Variants in PGS1 observed in about 807,000 individuals in gnomAD.
PGS1 encodes the protein CDP-diacylglycerol--glycerol-3-phosphate 3-phosphatidyltransferase, mitochondrial.
Under a neutral mutation model 58.3 loss-of-function variants are expected in PGS1, and 44 were observed. The ratio of observed to expected loss-of-function variants is 0.75; its 90% CI spans 0.59 to 0.97. The LOEUF is 0.97. PGS1 is among the 50% of genes least tolerant of loss of function. The probability of loss-of-function intolerance (pLI) is 0.00; values close to 1 mark genes in which losing one functional copy is unlikely to be tolerated. For missense variants in PGS1, 684 were observed against 731.1 expected (o/e 0.94, Z 0.74); for synonymous variants, 330 against 311.0 (o/e 1.06, Z -0.64).
rs761812839 is a variant in PGS1, at chr17:78,403,591, G to A, written c.904G>A (p.Ala302Thr). 2.5e-6 allele frequency: 4 copies of A among 1,612,666 alleles called. No homozygotes were observed. Among genetic ancestry groups the A allele is most frequent in the Non-Finnish European group, 1.7e-6 (2 of 1,178,816 alleles). ...YKGDRAEYCK[A>T]ANKRVMDVIN... is the part of the protein sequence containing the mutation. The stretch of plus-strand genomic sequence containing the variant: ...AGGGGACCGGGCCGAGTACTGCAAG[G>A]CAGCCAATAAGAGGGTCATGGATGT... Residue 302 changes from alanine (A) to threonine (T), a missense_variant, in exon 7 of 10, where the codon GCA becomes ACA. By Grantham distance (58) the Ala-to-Thr change is moderately conservative. Coordinates refer to ENST00000262764, the MANE Select transcript of PGS1 (RefSeq NM_024419.5).
intron 1 of PGS1, among the ~76,000 whole-genome samples, chr17:78,384,556 A>G (rs998545822): frequency 1.3e-5 from 2 of 152,072 alleles, no homozygotes; most frequent in Admixed American, 1.3e-4. Flanking sequence ...ACAGATTTGG[A>G]TGGGCTCCAG....
intron 7 of PGS1, among the ~76,000 whole-genome samples, chr17:78,404,629 T>C (rs2083969845): frequency 2.6e-5 from 4 of 152,132 alleles, no homozygotes; most frequent in Admixed American, 1.3e-4. Context: ...GGTAAAGATG[T>C]GGTGACATAA....
chr17:78,423,653 C>T, intron 9 of PGS1: 1 of 470,262 alleles, frequency 2.1e-6, no homozygotes, highest in Non-Finnish European at 3.8e-6. Context: ...AAGCCTGAAC[C>T]AGGCCTCACA....
chr17:78,403,625 C>G lies in PGS1; in HGVS notation c.938C>G (p.Ser313Ter), dbSNP rs1413999072. The part of the protein sequence containing the change: ...ANKRVMDVIN[S>*]ARTRQQMLHA... ...AAGAGGGTCATGGATGTGATCAACT[C>G]AGCCAGGACCCGCCAGCAGATGCTG... The change falls in exon 7 of 10, where the codon TCA becomes TGA. Residue 313 changes from serine to a stop codon, truncating the protein, a stop_gained. Transcript: ENST00000262764. LOFTEE classifies it high-confidence loss of function. 1 of 1,614,158 alleles carries G rather than the reference C, an allele frequency of 6.2e-7. No homozygotes were observed.
Position 78,392,575 on chromosome 17 carries a change from G to T in PGS1, c.243G>T (p.Gln81His). The T allele has an allele frequency of 6.2e-7, 1 of 1,614,206 alleles. No homozygotes were observed. Among genetic ancestry groups the T allele is most frequent in the Non-Finnish European group, 8.5e-7 (1 of 1,180,026 alleles). Reference protein sequence around the residue: ...CLCPEGVHRFQWIRNLVPEFG... With the variant: ...CLCPEGVHRFHWIRNLVPEFG... ...GTCCAGAAGGCGTGCACCGGTTCCA[G>T]TGGATCAGAAACCTGGTTCCAGAAT... Residue 81 changes from glutamine (Q) to histidine (H), a missense_variant, in exon 2 of 10, where the codon CAG becomes CAT. By Grantham distance (24) the Gln-to-His change is conservative. Transcript: ENST00000262764.
rs867241248 is a variant in PGS1, at chr17:78,407,168, G to C, written c.1402+3079G>C. 5.9e-5 allele frequency among the ~76,000 whole-genome samples: 9 copies of C among 152,232 alleles called. No homozygotes were observed. The South Asian group carries it at 1.7e-3, about 28-fold the overall frequency. ...TGGATCCCAGGGCACGTGCCCATGT[G>C]GGGGATGGGATTGGGGGAGAGTTGG... On this transcript the variant is annotated intron_variant, in intron 7 of 9. Coordinates refer to ENST00000262764, the MANE Select transcript of PGS1 (RefSeq NM_024419.5).
intron 2 of PGS1, among the ~76,000 whole-genome samples, chr17:78,393,308 C>T (rs1399279334): frequency 6.6e-6 from 1 of 152,222 alleles, no homozygotes; most frequent in Non-Finnish European, 1.5e-5. Flanking sequence ...GATCCACCCG[C>T]CTCGGCCTCC....
At position 78,403,963 on chromosome 17, in the gene PGS1, G is replaced by C. The variant is rs1186106289; in HGVS notation, c.1276G>C (p.Gly426Arg). ...CTTCTTTGGGGCCAAGGGGGTGGCCGGCGCCATCCCAGCGGCCTATGTGCA... is the reference window on the plus strand; with the variant it reads ...CTTCTTTGGGGCCAAGGGGGTGGCCCGCGCCATCCCAGCGGCCTATGTGCA... The part of the protein sequence containing the change: ...NGFFGAKGVA[G>R]AIPAAYVHIE... Residue 426 changes from glycine to arginine, a missense_variant, in exon 7 of 10, where the codon GGC becomes CGC. Physicochemically the swap from Gly to Arg is moderately radical, Grantham distance 125. Coordinates refer to ENST00000262764, the MANE Select transcript of PGS1 (RefSeq NM_024419.5). The C allele has an allele frequency of 2.5e-6, 4 of 1,614,020 alleles. No individual in the cohort carries two copies. Among genetic ancestry groups the C allele is most frequent in the Non-Finnish European group, 3.4e-6 (4 of 1,180,026 alleles).
In PGS1 at chr17:78,416,775, T is replaced by G. The variant is rs140078895; in HGVS notation, c.1551+1748T>G. Among the ~76,000 whole-genome samples the G allele has an allele frequency of 8.4e-3, 1,275 of 152,296 alleles. 8 individuals are homozygous for G. The highest frequency in any genetic ancestry group is 0.03 in the South Asian group (144 of 4,828). The stretch of plus-strand genomic sequence containing the variant: ...TGCCTGTGAAACGCAGAAATATGTT[T>G]CCAGATAATTCCACCTATGCTTATA... On this transcript the variant is annotated intron_variant, in intron 8 of 9. Coordinates refer to ENST00000262764, the MANE Select transcript of PGS1 (RefSeq NM_024419.5).
At position 78,400,809 on chromosome 17, in the gene PGS1, G is replaced by A; in HGVS notation, c.834G>A (p.Gly278=). 1 of 1,612,882 alleles carries A rather than the reference G, an allele frequency of 6.2e-7. No homozygotes were observed. The highest frequency in any genetic ancestry group is 2.2e-5 in the East Asian group (1 of 44,822). ...AVGDVSLQLQ[G]DDTVQVVDGM... ...GGGATGTGTCCCTGCAGCTGCAGGG[G>A]GACGACACGGTGCAGGTGGTGGATG... Residue 278 remains glycine (G), a synonymous_variant, in exon 6 of 10, where the codon GGG becomes GGA. Transcript: ENST00000262764. The surrounding 1 kb of genome is among the most constrained non-coding windows in gnomAD (Gnocchi z 4.4).
rs575655675 is a variant in PGS1 at position 78,378,725 on chromosome 17, C to T, written c.60C>T (p.Leu20=). The change falls in exon 1 of 10, where the codon CTC becomes CTT. Residue 20 remains leucine, a synonymous_variant. Coordinates refer to ENST00000262764, the MANE Select transcript of PGS1 (RefSeq NM_024419.5). ...GPVFWRRLLG[L]LPGRPGLAAL... ...TGTTCTGGAGGCGACTGCTGGGCCTCCTGCCTGGCCGCCCAGGGCTGGCCG... is the reference window on the plus strand; with the variant it reads ...TGTTCTGGAGGCGACTGCTGGGCCTTCTGCCTGGCCGCCCAGGGCTGGCCG... 8.2e-5 allele frequency: 125 copies of T among 1,516,230 alleles called. No homozygotes were observed. In the African/African-American group the frequency reaches 1.4e-3, roughly 17 times the overall value. The allele number at this position is 1,516,230 out of a possible 1,614,324, so 93.9% of individuals were successfully genotyped here.
rs1486264142 is a variant in PGS1 at position 78,392,551 on chromosome 17, T to C, written c.219T>C (p.Cys73=). 6.2e-7 allele frequency: 1 copy of C among 1,614,060 alleles called. No individual in the cohort carries two copies. Among genetic ancestry groups the C allele is most frequent in the Non-Finnish European group, 8.5e-7 (1 of 1,180,014 alleles). The part of the protein sequence containing the change: ...PQVTSPPCCL[C]PEGVHRFQWI... ...TCACCTCCCCACCTTGCTGCCTGTGTCCAGAAGGCGTGCACCGGTTCCAGT... is the reference window on the plus strand; with the variant it reads ...TCACCTCCCCACCTTGCTGCCTGTGCCCAGAAGGCGTGCACCGGTTCCAGT... Residue 73 remains cysteine, a synonymous_variant, in exon 2 of 10, where the codon TGT becomes TGC. Transcript: ENST00000262764.
intron 1 of PGS1, among the ~76,000 whole-genome samples, chr17:78,387,751 C>T (rs139328107): frequency 0.011 from 1,745 of 152,072 alleles, 33 homozygotes; most frequent in African/African-American, 0.039. Flanking sequence ...AGGTGCACGC[C>T]ACCATGCCTG....
In PGS1 at chr17:78,378,780, G is replaced by A; in HGVS notation, c.115G>A (p.Gly39Ser). The change falls in exon 1 of 10, where the codon GGC becomes AGC. Residue 39 changes from glycine (G) to serine (S), a missense_variant. Physicochemically the swap from Gly to Ser is moderately conservative, Grantham distance 56 (BLOSUM62 0). Coordinates refer to ENST00000262764, the MANE Select transcript of PGS1 (RefSeq NM_024419.5). ...ALLGRLSDRL[G>S]RNRDRQRRRS... ...CCTGGGACGCCTGTCCGACCGCCTC[G>A]GCAGGAACCGGGACCGCCAGCGCAG... 1.3e-6 allele frequency: 2 copies of A among 1,485,832 alleles called. No individual in the cohort carries two copies. Among genetic ancestry groups the A allele is most frequent in the Non-Finnish European group, 1.8e-6 (2 of 1,125,446 alleles). 92.0% of individuals were successfully genotyped at this position (1,485,832 alleles called of 1,614,324 possible).
chr17:78,409,808 C>T (rs923742456), intron 7 of PGS1, among the ~76,000 whole-genome samples: 1 of 152,228 alleles, frequency 6.6e-6, no homozygotes, highest in Non-Finnish European at 1.5e-5. Context: ...TGTTCATACA[C>T]TTCTGCCTTA....
At chr17:78,384,389 G>A (rs934081991) in intron 1 of PGS1, among the ~76,000 whole-genome samples, 1 of 152,196 alleles carries the variant, frequency 6.6e-6, no homozygotes, top group Non-Finnish European at 1.5e-5. Context: ...CTCAGGAAGT[G>A]TTATGACTGT....
In PGS1 at chr17:78,423,767, C is replaced by T. The variant is rs562278569; in HGVS notation, c.*11-294C>T. The T allele has an allele frequency of 1.2e-5, 14 of 1,164,010 alleles. No homozygotes were observed. The East Asian group carries it at 3.3e-4, about 27-fold the overall frequency. The allele number at this position is 1,164,010 out of a possible 1,614,324, so 72.1% of individuals were successfully genotyped here. On this transcript the variant is annotated intron_variant, in intron 9 of 9. Transcript: ENST00000262764. Reference sequence around the variant, plus strand: ...ACCTCCACCCTCTGGTTCCGATGTGCTTGGTTACAAAGCACCTGATTATTT... The same window carrying T: ...ACCTCCACCCTCTGGTTCCGATGTGTTTGGTTACAAAGCACCTGATTATTT...
intron 2 of PGS1, among the ~76,000 whole-genome samples, chr17:78,395,286 C>A (rs1452978050): frequency 1.3e-5 from 2 of 152,126 alleles, no homozygotes; most frequent in Non-Finnish European, 2.9e-5. Context: ...TAATCATCAC[C>A]CCCACAAACA....
rs183815883 is a variant in PGS1 at position 78,411,088 on chromosome 17, G to A, written c.1403-3791G>A. Among the ~76,000 whole-genome samples the A allele has an allele frequency of 2.5e-3, 388 of 152,352 alleles. 2 individuals carry two copies. Among genetic ancestry groups the A allele is most frequent in the Admixed American group, 0.021 (324 of 15,302 alleles). On this transcript the variant is annotated intron_variant, in intron 7 of 9. Coordinates refer to ENST00000262764, the MANE Select transcript of PGS1 (RefSeq NM_024419.5). The stretch of plus-strand genomic sequence containing the variant: ...GGGGCTCAGGGAGGGCCTCGCTGAG[G>A]AGTAGACACTCGGGCAGTTGGCCTG...
Sources: gnomAD v4.1 joint callset for allele counts (sites outside exome capture counted in the v4.1 genomes callset) on GRCh38, gnomAD v4.1.1 for gene constraint, Gnocchi (gnomAD v3.1) non-coding constraint, MANE v1.5 for transcripts, NCBI Gene and HGNC (gene_info 2026-07-23, HGNC 2026-07-21) for gene names.